The following DLGAP4 variants were observed in gnomAD, a reference collection of about 807,000 sequenced individuals.
DLGAP4 encodes the protein disks large-associated protein 4.
A neutral mutation model predicts 86.9 loss-of-function variants in DLGAP4; 18 were observed. The observed-to-expected ratio is 0.21, with a 90% CI of 0.14 to 0.31. The LOEUF is 0.31. DLGAP4 is among the 10% of genes least tolerant of loss of function. The pLI, the probability that DLGAP4 is intolerant of heterozygous loss-of-function variation, is 1.00. For synonymous variants in DLGAP4, 548 were observed against 574.3 expected, an observed-to-expected ratio of 0.95 and a Z score of 0.65; for missense variants, 1,085 against 1,362.6, an observed-to-expected ratio of 0.80 and a Z score of 3.21.
At chr20:36,453,992 C>T (rs374940940) in intron 7 of DLGAP4, among the ~76,000 whole-genome samples, 4 of 143,676 alleles carry the variant, frequency 2.8e-5, no homozygotes, top group Admixed American at 1.4e-4. Context: ...AAAAAGAGTC[C>T]GGGCACAGTG....
intron 2 of DLGAP4, among the ~76,000 whole-genome samples, chr20:36,372,393 C>T (rs576374436): frequency 1.6e-4 from 24 of 152,246 alleles, no homozygotes; most frequent in Middle Eastern, 6.8e-3. Flanking sequence ...CCAGCTGGAC[C>T]TCAGGTCAGC....
chr20:36,500,583 G>C lies in DLGAP4; in HGVS notation c.2484G>C (p.Glu828Asp), dbSNP rs1357767901. Residue 828 changes from glutamate (E) to aspartate (D), a missense_variant, in exon 10 of 13, where the codon GAG (glutamate) becomes GAC (aspartate). Glu to Asp is a conservative substitution (Grantham distance 45). Coordinates refer to ENST00000339266, the MANE Select transcript of DLGAP4 (RefSeq NM_001365621.2). The surrounding 1 kb of genome is among the most constrained non-coding windows in gnomAD (Gnocchi z 4.6). ...GCTGGTGCTGCCAGATGGACAAGGA[G>C]ACCAAAGAGAACAACCTCTCTGAAG... ...LEGWCCQMDKETKENNLSEEV... is the reference protein window; with the variant it reads ...LEGWCCQMDKDTKENNLSEEV... The C allele has an allele frequency of 2.6e-6, 4 of 1,510,558 alleles. No individual in the cohort carries two copies. Among genetic ancestry groups the C allele is most frequent in the Non-Finnish European group, 3.5e-6 (4 of 1,130,294 alleles). The allele number at this position is 1,510,558 out of a possible 1,614,324, so 93.6% of individuals were successfully genotyped here. A position where few individuals can be genotyped will look rare whatever the true frequency, so the allele number is the denominator to read the frequency against.
intron 1 of DLGAP4, among the ~76,000 whole-genome samples, chr20:36,321,759 T>G (rs1484993109): frequency 2.0e-5 from 3 of 152,118 alleles, no homozygotes; most frequent in African/African-American, 7.2e-5. Context: ...TGGGAAATGC[T>G]GAGGGCTTGG....
Position 36,520,571 on chromosome 20 carries a change from T to A in DLGAP4, c.2513-3679T>A, listed in dbSNP as rs536084928. Among the ~76,000 whole-genome samples the A allele has an allele frequency of 3.3e-5, 5 of 152,252 alleles. No homozygotes were observed. The South Asian group carries it at 1.0e-3, about 32-fold the overall frequency. On this transcript the variant is annotated intron_variant, in intron 10 of 12. Transcript: ENST00000339266. ...CATGTTGGGCAGACTGGTCTCAAAC[T>A]CCTGACCTCAAGTGATACACCCACC...
intron 1 of DLGAP4, among the ~76,000 whole-genome samples, chr20:36,346,662 C>T (rs537149360): frequency 8.9e-4 from 135 of 152,136 alleles, no homozygotes; most frequent in Non-Finnish European, 1.5e-3. Flanking sequence ...TTATACAAGC[C>T]CCTTGATTTC....
At chr20:36,462,521 T>C in intron 7 of DLGAP4, 2 of 1,601,344 alleles carry the variant, frequency 1.2e-6, no homozygotes, top group Non-Finnish European at 8.5e-7. Flanking sequence ...CCTCTCCCTT[T>C]TTCTGTCTTT....
intron 1 of DLGAP4, among the ~76,000 whole-genome samples, chr20:36,365,189 GCCCCTA>G (rs2030642411): frequency 6.6e-6 from 1 of 152,244 alleles, no homozygotes; most frequent in African/African-American, 2.4e-5. Context: ...GAGGCCTCGG[GCCCCTA>G]GGCCAGGGCC....
At chr20:36,338,909 G>C (rs2065349018) in intron 1 of DLGAP4, among the ~76,000 whole-genome samples, 1 of 152,206 alleles carries the variant, frequency 6.6e-6, no homozygotes, top group East Asian at 1.9e-4. Flanking sequence ...AGGCACCGAG[G>C]CAGGTGGGGC....
chr20:36,311,548 G>C (rs1387197384), intron 1 of DLGAP4, among the ~76,000 whole-genome samples: 1 of 152,248 alleles, frequency 6.6e-6, no homozygotes, highest in Admixed American at 6.5e-5. Flanking sequence ...AATAATAACT[G>C]TATCACTGGC....
intron 2 of DLGAP4, among the ~76,000 whole-genome samples, chr20:36,426,470 G>A (rs760334884): frequency 3.3e-5 from 5 of 151,724 alleles, no homozygotes; most frequent in Non-Finnish European, 5.9e-5. Context: ...AGCCGAGATC[G>A]CACCACCGCA....
chr20:36,412,979 CTTTTTTT>C (rs71184093), intron 2 of DLGAP4, among the ~76,000 whole-genome samples: 7 of 110,860 alleles, frequency 6.3e-5, no homozygotes, highest in Admixed American at 1.9e-4. Context: ...GAACTCTTTT[CTTTTTTT>C]TTTTTTTTTT....
At chr20:36,340,112 T>A (rs1430988862) in intron 1 of DLGAP4, among the ~76,000 whole-genome samples, 1 of 152,154 alleles carries the variant, frequency 6.6e-6, no homozygotes, top group Non-Finnish European at 1.5e-5. Flanking sequence ...TTTTCCCCTC[T>A]GTGGTAGAAG....
intron 7 of DLGAP4, among the ~76,000 whole-genome samples, chr20:36,448,814 G>A (rs2033663894): frequency 6.6e-6 from 1 of 152,120 alleles, no homozygotes; most frequent in Non-Finnish European, 1.5e-5. Flanking sequence ...CACACCTGTA[G>A]TTCTAGCTAC....
At chr20:36,424,876 T>C (rs1258546705) in intron 2 of DLGAP4, among the ~76,000 whole-genome samples, 2 of 151,966 alleles carry the variant, frequency 1.3e-5, no homozygotes, top group Admixed American at 1.3e-4. Context: ...GCTGGGATTA[T>C]AGGCTCAAGC....
chr20:36,423,728 G>A (rs574976815), intron 2 of DLGAP4, among the ~76,000 whole-genome samples: 16 of 152,132 alleles, frequency 1.1e-4, no homozygotes, highest in African/African-American at 2.7e-4. Flanking sequence ...TTGGGAGGCC[G>A]AGGCGGGTGG....
intron 2 of DLGAP4, among the ~76,000 whole-genome samples, chr20:36,419,131 CTTTTTTTT>C (rs1347219863): frequency 6.7e-6 from 1 of 148,842 alleles, no homozygotes; most frequent in African/African-American, 2.5e-5. Flanking sequence ...TTTTTTTTTT[CTTTTTTTT>C]GAGATAGGGT....
At chr20:36,451,764 G>GTTT (rs1322926695) in intron 7 of DLGAP4, among the ~76,000 whole-genome samples, 2 of 145,870 alleles carry the variant, frequency 1.4e-5, no homozygotes, top group South Asian at 2.2e-4. Context: ...CCCTGAGGCT[G>GTTT]TATTTTTTTT....
intron 2 of DLGAP4, among the ~76,000 whole-genome samples, chr20:36,428,203 T>C (rs1009638401): frequency 1.3e-5 from 2 of 152,218 alleles, no homozygotes; most frequent in Admixed American, 1.3e-4. Flanking sequence ...TCTAGGACTA[T>C]ACTGTCAACC....
intron 2 of DLGAP4, among the ~76,000 whole-genome samples, chr20:36,389,446 T>G (rs113518958): frequency 0.018 from 2,801 of 152,250 alleles, 50 homozygotes; most frequent in Middle Eastern, 0.041. Context: ...CATCTCTCCC[T>G]TAGAGATGTG....
Sources: gnomAD v4.1 joint callset for allele counts (sites outside exome capture counted in the v4.1 genomes callset) on GRCh38, gnomAD v4.1.1 for gene constraint, Gnocchi (gnomAD v3.1) non-coding constraint, MANE v1.5 for transcripts, NCBI Gene and HGNC (gene_info 2026-07-23, HGNC 2026-07-21) for gene names.